The following ZNF385D variants were observed in gnomAD, a reference collection of about 807,000 sequenced individuals.
ZNF385D encodes zinc finger protein 659.
ZNF385D carries 15 observed loss-of-function variants against 35.8 expected under a neutral mutation model. That is an observed-to-expected ratio of 0.42 (90% CI 0.28 to 0.64). ZNF385D has a LOEUF of 0.64. ZNF385D is among the 30% of genes least tolerant of loss of function. The probability of loss-of-function intolerance (pLI) is 0.23; values close to 1 mark genes in which losing one functional copy is unlikely to be tolerated. For synonymous variants in ZNF385D, 212 were observed against 186.8 expected (o/e 1.13, Z -1.10); for missense variants, 474 against 494.6 (o/e 0.96, Z 0.39).
chr3:22,303,721 C>G (rs896466933), intron 2 of ZNF385D, among the ~76,000 whole-genome samples: 57 of 152,146 alleles, frequency 3.7e-4, no homozygotes, highest in African/African-American at 1.3e-3. Context: ...ATCATATGCT[C>G]TCAATAATTT....
intron 3 of ZNF385D, among the ~76,000 whole-genome samples, chr3:21,912,804 A>G (rs1195307825): frequency 3.3e-5 from 5 of 152,164 alleles, no homozygotes; most frequent in South Asian, 4.1e-4. Flanking sequence ...ATAGATTGGC[A>G]TTCCTGGGTC....
chr3:21,711,800 A>T (rs2068119369), intron 1 of ZNF385D, among the ~76,000 whole-genome samples: 1 of 152,206 alleles, frequency 6.6e-6, no homozygotes, highest in African/African-American at 2.4e-5. Context: ...GAATTCTGAG[A>T]TATAGTGAGC....
At chr3:21,816,279 A>T (rs928527174) in intron 3 of ZNF385D, among the ~76,000 whole-genome samples, 1 of 152,220 alleles carries the variant, frequency 6.6e-6, no homozygotes, top group African/African-American at 2.4e-5. Context: ...CAAGACAGGG[A>T]TGCCCTCTCT....
chr3:22,050,096 T>G (rs1699251609), intron 3 of ZNF385D, among the ~76,000 whole-genome samples: 1 of 151,952 alleles, frequency 6.6e-6, no homozygotes, highest in Admixed American at 6.6e-5. Flanking sequence ...CTGGGTGCAG[T>G]GGCTCATGCC....
At chr3:22,294,481 G>T (rs1414773988) in intron 2 of ZNF385D, among the ~76,000 whole-genome samples, 1 of 151,986 alleles carries the variant, frequency 6.6e-6, no homozygotes, top group Non-Finnish European at 1.5e-5. Context: ...TATATAATGG[G>T]TATTATATAT....
At chr3:22,247,017 A>T (rs1334944743) in intron 2 of ZNF385D, among the ~76,000 whole-genome samples, 1 of 152,150 alleles carries the variant, frequency 6.6e-6, no homozygotes, top group Non-Finnish European at 1.5e-5. Context: ...ATACACAAAC[A>T]ACTTCATTTA....
chr3:21,930,630 G>C (rs1284068896), intron 3 of ZNF385D, among the ~76,000 whole-genome samples: 1 of 152,090 alleles, frequency 6.6e-6, no homozygotes, highest in Non-Finnish European at 1.5e-5. Context: ...ATGGCATAAG[G>C]AAAGGCAGTG....
chr3:22,209,319 ATAAACT>A lies in ZNF385D; in HGVS notation c.107-40290_107-40285del, dbSNP rs377092226. ...AAATACAATTAAATAAGCTGTTAAA[ATAAACT>A]TAATAGTGGAAAGTAATTAAAGTGA... On this transcript the variant is annotated intron_variant, in intron 2 of 5. Transcript: ENST00000494108. 1.8e-3 allele frequency among the ~76,000 whole-genome samples: 275 copies of A among 152,012 alleles called. 2 individuals carry two copies. The highest frequency in any genetic ancestry group is 6.3e-3 in the African/African-American group (261 of 41,476).
chr3:22,175,650 A>G (rs1694773934), intron 2 of ZNF385D, among the ~76,000 whole-genome samples: 1 of 151,796 alleles, frequency 6.6e-6, no homozygotes, highest in Non-Finnish European at 1.5e-5. Context: ...TTTCGATGAA[A>G]AAAATACGTA....
chr3:21,642,552 A>T (rs1341437765), intron 2 of ZNF385D, among the ~76,000 whole-genome samples: 1 of 152,098 alleles, frequency 6.6e-6, no homozygotes, highest in South Asian at 2.1e-4. Flanking sequence ...CCCTACCTAG[A>T]TTCAGTCAGC....
chr3:21,995,079 G>A lies in ZNF385D; in HGVS notation c.325+173738C>T, dbSNP rs532895341. Among the ~76,000 whole-genome samples, 25 of 152,340 alleles carry A rather than the reference G, an allele frequency of 1.6e-4. 1 individual carries two copies. In the South Asian group the frequency reaches 2.1e-3, roughly 13 times the overall value. On this transcript the variant is annotated intron_variant, in intron 3 of 5. Coordinates refer to the ZNF385D transcript ENST00000494108. ...AATGGGCCAAATAAGTGGATAGGTC[G>A]TCAGGCCCCTGGGCAGTGTGCATGA...
chr3:21,847,107 G>T (rs1696056331), intron 3 of ZNF385D, among the ~76,000 whole-genome samples: 1 of 151,970 alleles, frequency 6.6e-6, no homozygotes, highest in African/African-American at 2.4e-5. Context: ...AGCTGTCAAA[G>T]ATTTCACCTC....
At chr3:21,636,597 G>T (rs957190611) in intron 2 of ZNF385D, among the ~76,000 whole-genome samples, 19 of 151,468 alleles carry the variant, frequency 1.3e-4, no homozygotes, top group African/African-American at 4.4e-4. Flanking sequence ...AGCCAGTTTA[G>T]TCTTTTCAGG....
intron 4 of ZNF385D, among the ~76,000 whole-genome samples, chr3:21,484,707 G>C (rs1225682070): frequency 6.6e-6 from 1 of 152,116 alleles, no homozygotes; most frequent in Non-Finnish European, 1.5e-5. Context: ...TGAAGTGTCA[G>C]GGAGGAGAGG....
At chr3:22,176,051 G>C (rs114580294) in intron 2 of ZNF385D, among the ~76,000 whole-genome samples, 4,107 of 147,452 alleles carry the variant, frequency 0.028, 104 homozygotes, top group South Asian at 0.12. Flanking sequence ...AAATAATTTT[G>C]CTTTGATCTA....
intron 2 of ZNF385D, among the ~76,000 whole-genome samples, chr3:22,215,073 G>A (rs113542531): frequency 3.3e-3 from 499 of 151,990 alleles, no homozygotes; most frequent in African/African-American, 0.011. Context: ...TTCTCAGACC[G>A]GCTGACACTT....
intron 2 of ZNF385D, among the ~76,000 whole-genome samples, chr3:22,313,209 T>C (rs1397455197): frequency 7.6e-6 from 1 of 131,508 alleles, no homozygotes; most frequent in Non-Finnish European, 1.5e-5. Context: ...TGAGAACACA[T>C]GGACACGGGA....
At chr3:21,565,799 G>GTA (rs1204096916) in intron 2 of ZNF385D, among the ~76,000 whole-genome samples, 1 of 151,746 alleles carries the variant, frequency 6.6e-6, no homozygotes, top group Non-Finnish European at 1.5e-5. Flanking sequence ...GGACTTATAA[G>GTA]TAAGTCTTCA....
chr3:21,966,865 T>G (rs1384142992), intron 3 of ZNF385D, among the ~76,000 whole-genome samples: 5 of 152,234 alleles, frequency 3.3e-5, no homozygotes, highest in Admixed American at 6.5e-5. Flanking sequence ...ATAGGGATTA[T>G]AGCGCTGCGA....
Sources: allele counts gnomAD v4.1 joint callset (sites outside exome capture counted in the v4.1 genomes callset), GRCh38; gene constraint gnomAD v4.1.1; transcripts MANE v1.5; gene names NCBI Gene and HGNC (gene_info 2026-07-23, HGNC 2026-07-21).